CLDN16: variants seen among roughly 807,000 people sequenced by gnomAD.
CLDN16 encodes the protein claudin 16, also known as claudin-16.
A neutral mutation model predicts 24.6 loss-of-function variants in CLDN16; 13 were observed. The ratio of observed to expected loss-of-function variants is 0.53; its 90% CI spans 0.34 to 0.84. The LOEUF (loss-of-function observed/expected upper bound fraction) is 0.84, where lower values mean the gene tolerates loss of function less well. Among genes scored for constraint, CLDN16 ranks in the 40% least tolerant of loss-of-function variants. CLDN16 has a pLI of 0.01. For synonymous variants in CLDN16, 116 were observed against 106.7 expected (o/e 1.09, Z -0.54); for missense variants, 298 against 292.7 (o/e 1.02, Z -0.13).
At position 190,403,126 on chromosome 3, in the gene CLDN16, G is replaced by A. The variant is rs185421195; in HGVS notation, c.217+687G>A. On this transcript the variant is annotated intron_variant, in intron 2 of 4. Transcript: ENST00000264734. Reference sequence around the variant, plus strand: ...GTGGATCACTGGAGGTCAGGAGTTCGAAACCAGCCTGGCCAACATGGTGAA... The same window carrying A: ...GTGGATCACTGGAGGTCAGGAGTTCAAAACCAGCCTGGCCAACATGGTGAA... Among the ~76,000 whole-genome samples, 250 of 152,204 alleles carry A rather than the reference G, an allele frequency of 1.6e-3. 1 individual carries two copies. The highest frequency in any genetic ancestry group is 5.7e-3 in the African/African-American group (237 of 41,524).
chr3:190,340,477 T>A (rs78506617), intron 1 of CLDN16, among the ~76,000 whole-genome samples: 5,954 of 152,080 alleles, frequency 0.039, 388 homozygotes, highest in African/African-American at 0.13. Context: ...ATCTCATGAG[T>A]CTTACTCACT....
At chr3:190,395,230 T>G (rs748464961) in intron 1 of CLDN16, among the ~76,000 whole-genome samples, 1 of 152,096 alleles carries the variant, frequency 6.6e-6, no homozygotes, top group African/African-American at 2.4e-5. Context: ...AAGTTGGCAT[T>G]ACCCATTTCT....
intron 1 of CLDN16, among the ~76,000 whole-genome samples, chr3:190,393,718 T>C (rs1433021570): frequency 6.6e-6 from 1 of 151,866 alleles, no homozygotes; most frequent in African/African-American, 2.4e-5. Context: ...TGGAGAAATT[T>C]TGTTTCCTCC....
chr3:190,350,093 T>C (rs79741918), intron 1 of CLDN16, among the ~76,000 whole-genome samples: 4,491 of 151,964 alleles, frequency 0.03, 110 homozygotes, highest in East Asian at 0.085. Flanking sequence ...GGGCAGGGCA[T>C]GGAGACAAGC....
At chr3:190,375,983 C>T (rs958765456) in intron 3 of CLDN16, among the ~76,000 whole-genome samples, 1 of 151,826 alleles carries the variant, frequency 6.6e-6, no homozygotes, top group African/African-American at 2.4e-5. Context: ...TTCCAGTAAC[C>T]CCCTCCATTT....
the CLDN16 span, among the ~76,000 whole-genome samples, chr3:190,313,982 G>A: frequency 6.6e-6 from 1 of 152,110 alleles, no homozygotes. Flanking sequence ...CTAGATTTAT[G>A]TCCTCCTTTA....
chr3:190,318,648 T>C (rs1716833599), upstream of CLDN16, among the ~76,000 whole-genome samples: 1 of 152,242 alleles, frequency 6.6e-6, no homozygotes, highest in Non-Finnish European at 1.5e-5. Context: ...ATCTCAAGCC[T>C]GGATTTTTGC....
chr3:190,363,259 T>C (rs1259094607), intron 1 of CLDN16, among the ~76,000 whole-genome samples: 2 of 151,750 alleles, frequency 1.3e-5, no homozygotes, highest in African/African-American at 2.4e-5. Context: ...ATTTCAAGTA[T>C]TGCATATCTT....
At chr3:190,398,224 G>C (rs780138357) in intron 1 of CLDN16, among the ~76,000 whole-genome samples, 8 of 152,138 alleles carry the variant, frequency 5.3e-5, no homozygotes, top group Non-Finnish European at 7.4e-5. Flanking sequence ...TATAGTTGCC[G>C]TAACAAATGA....
intron 1 of CLDN16, among the ~76,000 whole-genome samples, chr3:190,395,231 AC>A (rs1718787635): frequency 6.6e-6 from 1 of 152,108 alleles, no homozygotes; most frequent in African/African-American, 2.4e-5. Context: ...AGTTGGCATT[AC>A]CCATTTCTTA....
chr3:190,374,196 C>T (rs541205433), intron 2 of CLDN16, among the ~76,000 whole-genome samples: 1 of 151,286 alleles, frequency 6.6e-6, no homozygotes, highest in Admixed American at 6.6e-5. Context: ...GAATAGTCTA[C>T]CATATGAGTA....
chr3:190,404,230 C>T (rs1420505052), intron 2 of CLDN16, among the ~76,000 whole-genome samples: 2 of 152,158 alleles, frequency 1.3e-5, no homozygotes, highest in African/African-American at 2.4e-5. Flanking sequence ...AACTCTCCTT[C>T]TTCTAAAGAT....
At chr3:190,295,788 C>T in the CLDN16 span, among the ~76,000 whole-genome samples, 1 of 152,120 alleles carries the variant, frequency 6.6e-6, no homozygotes, top group Non-Finnish European at 1.5e-5. Context: ...TAGAAATACA[C>T]ATCAAAATAC....
At chr3:190,408,231 C>A in intron 3 of CLDN16, 83 bp from the exon 4 acceptor site, 1 of 1,338,672 alleles carries the variant, frequency 7.5e-7, no homozygotes, top group Non-Finnish European at 1.1e-6. Context: ...TCACGCCAGC[C>A]ATTTTGTGTA....
intron 2 of CLDN16, among the ~76,000 whole-genome samples, chr3:190,403,099 G>C (rs546733575): frequency 6.6e-6 from 1 of 152,102 alleles, no homozygotes; most frequent in Non-Finnish European, 1.5e-5. Context: ...AGGCCAAGGC[G>C]GGTGGATCAC....
chr3:190,291,055 T>A, the CLDN16 span, among the ~76,000 whole-genome samples: 1 of 152,122 alleles, frequency 6.6e-6, no homozygotes, highest in African/African-American at 2.4e-5. Context: ...GAGGTGACAT[T>A]TGAGCATAAT....
At chr3:190,322,601 G>GC (rs1305670726) in exon 1 of CLDN16, 2 of 304,098 alleles carry the variant, frequency 6.6e-6, no homozygotes, top group East Asian at 1.9e-4. Context: ...GGACCACCCG[G>GC]CAGGACCAGG....
At chr3:190,340,856 A>G (rs1717411987) in intron 1 of CLDN16, among the ~76,000 whole-genome samples, 1 of 152,184 alleles carries the variant, frequency 6.6e-6, no homozygotes, top group Admixed American at 6.5e-5. Flanking sequence ...GCCATTCCAA[A>G]TGGGAGAAAT....
At chr3:190,324,432 C>T (rs4011796) in intron 1 of CLDN16, among the ~76,000 whole-genome samples, 1 of 152,004 alleles carries the variant, frequency 6.6e-6, no homozygotes, top group South Asian at 2.1e-4. Context: ...GCAGTGAGCC[C>T]AGATCGTGCC....
Sources: allele counts gnomAD v4.1 joint callset (sites outside exome capture counted in the v4.1 genomes callset), GRCh38; gene constraint gnomAD v4.1.1; transcripts MANE v1.5; gene names NCBI Gene and HGNC (gene_info 2026-07-23, HGNC 2026-07-21).